ADGRV1: variants seen among roughly 807,000 people sequenced by gnomAD.
ADGRV1 encodes the protein G-protein coupled receptor 98.
Under a neutral mutation model 596.2 loss-of-function variants are expected in ADGRV1, and 359 were observed. The ratio of observed to expected loss-of-function variants is 0.60; its 90% confidence interval spans 0.55 to 0.66. The LOEUF is 0.66. ADGRV1 is among the 30% of genes least tolerant of loss of function. The pLI, the probability that ADGRV1 is intolerant of heterozygous loss-of-function variation, is 0.00. For missense variants in ADGRV1, 7,274 were observed against 7,575.6 expected, an observed-to-expected ratio of 0.96 and a Z score of 1.48; for synonymous variants, 2,681 against 2,679.2, an observed-to-expected ratio of 1.00 and a Z score of -0.02.
chr5:90,605,330 G>A (rs556401291), intron 1 of ADGRV1, among the ~76,000 whole-genome samples: 12 of 151,466 alleles, frequency 7.9e-5, no homozygotes, highest in African/African-American at 9.7e-5. Flanking sequence ...CAGGAGAATC[G>A]CTTGAACCCG....
intron 85 of ADGRV1, among the ~76,000 whole-genome samples, chr5:91,023,329 A>G (rs1783790264): frequency 6.6e-6 from 1 of 152,122 alleles, no homozygotes; most frequent in Non-Finnish European, 1.5e-5. Context: ...GTTAGGGGTA[A>G]GATACCAGAG....
At chr5:91,042,972 C>T (rs1000922537) in intron 85 of ADGRV1, among the ~76,000 whole-genome samples, 49 of 151,852 alleles carry the variant, frequency 3.2e-4, no homozygotes, top group African/African-American at 1.1e-3. Flanking sequence ...AGCTATATTT[C>T]GAGCCAGTAG....
intron 39 of ADGRV1, among the ~76,000 whole-genome samples, chr5:90,710,226 A>T (rs967049361): frequency 1.3e-5 from 2 of 152,196 alleles, no homozygotes; most frequent in Admixed American, 1.3e-4. Context: ...TTTAAAAGGT[A>T]AAGAACAAAG....
intron 21 of ADGRV1, among the ~76,000 whole-genome samples, chr5:90,659,227 C>G (rs867579921): frequency 6.6e-6 from 1 of 152,102 alleles, no homozygotes; most frequent in African/African-American, 2.4e-5. Context: ...AAATCTACAA[C>G]TTGAAAAGAA....
intron 87 of ADGRV1, among the ~76,000 whole-genome samples, chr5:91,111,881 A>C (rs769842697): frequency 6.6e-6 from 1 of 152,196 alleles, no homozygotes; most frequent in African/African-American, 2.4e-5. Flanking sequence ...TGCCTCATGC[A>C]CCTTTCAAAA....
chr5:91,100,044 G>A (rs59918121), intron 86 of ADGRV1, among the ~76,000 whole-genome samples: 8,465 of 152,200 alleles, frequency 0.056, 344 homozygotes, highest in East Asian at 0.15. Flanking sequence ...GCAAACAACT[G>A]CTAGTAGAAT....
At chr5:90,655,027 T>C (rs1379514650) in intron 20 of ADGRV1, 1 of 152,190 alleles carries the variant, frequency 6.6e-6, no homozygotes, top group African/African-American at 2.4e-5. Context: ...AAACTATATG[T>C]AAAGTTATTG....
At chr5:90,747,660 G>A (rs1395008479) in intron 52 of ADGRV1, among the ~76,000 whole-genome samples, 1 of 152,110 alleles carries the variant, frequency 6.6e-6, no homozygotes, top group East Asian at 1.9e-4. Flanking sequence ...GATCATGCAG[G>A]CACCCTCTGC....
chr5:91,099,933 G>C (rs779214625), intron 86 of ADGRV1, among the ~76,000 whole-genome samples: 1 of 152,226 alleles, frequency 6.6e-6, no homozygotes, highest in Non-Finnish European at 1.5e-5. Flanking sequence ...AGCAACAGCA[G>C]TGACCATACC....
chr5:91,055,618 A>G (rs533886220), intron 85 of ADGRV1, among the ~76,000 whole-genome samples: 7 of 152,352 alleles, frequency 4.6e-5, no homozygotes, highest in African/African-American at 1.4e-4. Flanking sequence ...AGCCAGGGCT[A>G]TCTGATTCAG....
At chr5:90,873,151 CA>C (rs1490522458) in intron 83 of ADGRV1, among the ~76,000 whole-genome samples, 2 of 152,152 alleles carry the variant, frequency 1.3e-5, no homozygotes, top group Non-Finnish European at 2.9e-5. Context: ...CATCCAATGC[CA>C]AAAGGTAAAA....
intron 30 of ADGRV1, 123 bp from the exon 31 acceptor site, chr5:90,690,674 G>A (rs1465908083): frequency 1.0e-6 from 1 of 971,344 alleles, no homozygotes; most frequent in South Asian, 1.7e-5. Flanking sequence ...TCTGGTTTTT[G>A]TGGGTTATAG....
Position 90,763,409 on chromosome 5 carries a change from C to CGTAG in ADGRV1, c.12225_12226insGTAG (p.Ile4076ValfsTer4). ...AAGGAACCGTCCGACTTGAGTGGAC[C>CGTAG]ATAGATGAGAAGGCTAAACATAACC... On this transcript the variant is annotated frameshift_variant, in exon 59 of 90. Coordinates refer to ENST00000405460, the MANE Select transcript of ADGRV1 (RefSeq NM_032119.4). LOFTEE classifies it high-confidence loss of function. 6.2e-7 allele frequency: 1 copy of CGTAG among 1,613,552 alleles called. No homozygotes were observed. The highest frequency in any genetic ancestry group is 8.5e-7 in the Non-Finnish European group (1 of 1,179,610).
intron 83 of ADGRV1, among the ~76,000 whole-genome samples, chr5:90,868,577 C>G (rs1387831714): frequency 2.7e-5 from 4 of 150,702 alleles, no homozygotes; most frequent in African/African-American, 7.3e-5. Flanking sequence ...TCCCCTGCCC[C>G]AAGTTCATTC....
chr5:91,160,598 G>A (rs1400601617), intron 89 of ADGRV1, among the ~76,000 whole-genome samples: 2 of 152,162 alleles, frequency 1.3e-5, no homozygotes, highest in Non-Finnish European at 2.9e-5. Context: ...TTGACCAAAG[G>A]AAAGTGTCCC....
chr5:90,726,821 G>A (rs933612910), intron 48 of ADGRV1, among the ~76,000 whole-genome samples: 1 of 152,018 alleles, frequency 6.6e-6, no homozygotes, highest in Non-Finnish European at 1.5e-5. Flanking sequence ...TATCAATCCT[G>A]TGGTTTTAAA....
intron 70 of ADGRV1, 132 bp from the exon 71 acceptor site, chr5:90,802,607 G>C: frequency 1.4e-6 from 1 of 700,836 alleles, no homozygotes; most frequent in East Asian, 2.8e-5. Context: ...TTTTGTGATG[G>C]GGAAAAGTGC....
chr5:90,706,436 T>A (rs1748616004), intron 38 of ADGRV1, 42 bp downstream of exon 38: 1 of 1,472,152 alleles, frequency 6.8e-7, no homozygotes, highest in Non-Finnish European at 9.1e-7. Flanking sequence ...GGAGATAGTT[T>A]AATAAGTTTT....
At position 90,779,034 on chromosome 5, in the gene ADGRV1, AT is replaced by A; in HGVS notation, c.13020del (p.Asp4340GlufsTer12). On this transcript the variant is annotated frameshift_variant, in exon 64 of 90. Transcript: ENST00000405460. LOFTEE classifies it high-confidence loss of function. ...AGTCTGCATGTTGAAATCCTTGATG[AT>A]GACTATCCTGAAGGCCCAGAGGAAT... ...RKSLHVEILD[D>X]DYPEGPEEFS... 6.2e-7 allele frequency: 1 copy of A among 1,613,400 alleles called. No individual in the cohort carries two copies. The highest frequency in any genetic ancestry group is 8.5e-7 in the Non-Finnish European group (1 of 1,179,498).
Sources: gnomAD v4.1 joint callset for allele counts (sites outside exome capture counted in the v4.1 genomes callset) on GRCh38, gnomAD v4.1.1 for gene constraint, MANE v1.5 for transcripts, NCBI Gene and HGNC (gene_info 2026-07-23, HGNC 2026-07-21) for gene names.